The following NUAK1 variants were observed in gnomAD, a reference collection of about 807,000 sequenced individuals.
The protein encoded by NUAK1 is NUAK family SNF1-like kinase 1.
Under a neutral mutation model 56.9 loss-of-function variants are expected in NUAK1, and 26 were observed. The ratio of observed to expected loss-of-function variants is 0.46; its 90% CI spans 0.33 to 0.63. The LOEUF is 0.63. Among genes scored for constraint, NUAK1 ranks in the 30% least tolerant of loss-of-function variants. The pLI is 0.02. For synonymous variants in NUAK1, 337 were observed against 336.0 expected, an observed-to-expected ratio of 1.00 and a Z score of -0.03; for missense variants, 727 against 876.1, an observed-to-expected ratio of 0.83 and a Z score of 2.15.
chr12:106,089,886 C>T (rs959219778), intron 2 of NUAK1, among the ~76,000 whole-genome samples: 2 of 152,182 alleles, frequency 1.3e-5, no homozygotes, highest in South Asian at 4.1e-4. Flanking sequence ...CTCACACTTG[C>T]CTCCCTGCTG....
At chr12:106,068,699 A>C (rs2032370865) in intron 6 of NUAK1, among the ~76,000 whole-genome samples, 1 of 152,132 alleles carries the variant, frequency 6.6e-6, no homozygotes, top group Non-Finnish European at 1.5e-5. Context: ...ATTAGGGAAA[A>C]CCCCTAAAGG....
At chr12:106,114,589 A>G (rs2032897578) in intron 1 of NUAK1, among the ~76,000 whole-genome samples, 1 of 152,244 alleles carries the variant, frequency 6.6e-6, no homozygotes, top group Admixed American at 6.5e-5. Context: ...CTCATGTTAC[A>G]GATGGGGAAA....
chr12:106,069,946 T>G (rs1042079550), intron 6 of NUAK1, among the ~76,000 whole-genome samples: 1 of 152,134 alleles, frequency 6.6e-6, no homozygotes, highest in South Asian at 2.1e-4. Flanking sequence ...ATGACCGTGG[T>G]TGTCTTGACC....
At chr12:106,116,026 C>G (rs1471257421) in intron 1 of NUAK1, among the ~76,000 whole-genome samples, 1 of 152,294 alleles carries the variant, frequency 6.6e-6, no homozygotes, top group African/African-American at 2.4e-5. Context: ...TGCAATGACC[C>G]CTTTGCAGAT....
chr12:106,086,113 T>C (rs2032568175), intron 3 of NUAK1, among the ~76,000 whole-genome samples: 1 of 151,546 alleles, frequency 6.6e-6, no homozygotes, highest in East Asian at 1.9e-4. Flanking sequence ...CTGGAATCTC[T>C]CTTAAGTAAA....
At chr12:106,133,739 G>A (rs1316534454) in intron 1 of NUAK1, among the ~76,000 whole-genome samples, 1 of 152,168 alleles carries the variant, frequency 6.6e-6, no homozygotes, top group African/African-American at 2.4e-5. Flanking sequence ...ATTCTGTCCA[G>A]GATCAAACTC....
At chr12:106,133,096 A>G (rs2033095971) in intron 1 of NUAK1, among the ~76,000 whole-genome samples, 2 of 152,172 alleles carry the variant, frequency 1.3e-5, no homozygotes, top group Non-Finnish European at 2.9e-5. Flanking sequence ...TATTTGCATT[A>G]GCATCAATTA....
chr12:106,123,135 T>G (rs1480900976), intron 1 of NUAK1, among the ~76,000 whole-genome samples: 1 of 152,350 alleles, frequency 6.6e-6, no homozygotes, highest in Non-Finnish European at 1.5e-5. Context: ...GGGTGCTTAG[T>G]GCATACCAGG....
At chr12:106,125,339 A>G (rs534896803) in intron 1 of NUAK1, among the ~76,000 whole-genome samples, 1 of 152,246 alleles carries the variant, frequency 6.6e-6, no homozygotes, top group Non-Finnish European at 1.5e-5. Flanking sequence ...TCATATTGCT[A>G]TTTTCCCAAG....
chr12:106,114,836 T>A (rs1278475898), intron 1 of NUAK1, among the ~76,000 whole-genome samples: 1 of 152,206 alleles, frequency 6.6e-6, no homozygotes, highest in Non-Finnish European at 1.5e-5. Flanking sequence ...TCCCCAGAAC[T>A]GTTGCATCAT....
chr12:106,086,770 G>A lies in NUAK1; in HGVS notation c.477C>T (p.Phe159=), dbSNP rs891250361. The A allele has an allele frequency of 3.1e-6, 5 of 1,614,146 alleles. No homozygotes were observed. The highest frequency in any genetic ancestry group is 1.7e-5 in the Admixed American group (1 of 60,022). Residue 159 remains phenylalanine (F), a synonymous_variant, in exon 3 of 7, where the codon TTC becomes TTT. Coordinates refer to ENST00000261402, the MANE Select transcript of NUAK1 (RefSeq NM_014840.3). ...AGTGCACAGCAGAGACGATCTGCCG[G>A]AAGAAGTGCCGGGTCTCCCTCTCAC... is the stretch of plus-strand genomic sequence containing the variant. ...RLSERETRHF[F]RQIVSAVHYC... is the part of the protein sequence containing the mutation.
chr12:106,106,665 T>G (rs1592857272), intron 1 of NUAK1, 140 bp from the exon 2 acceptor site: 5 of 761,768 alleles, frequency 6.6e-6, no homozygotes, highest in Non-Finnish European at 1.0e-5. Flanking sequence ...AAATGCCCCC[T>G]TGTCATGTCT....
intron 1 of NUAK1, among the ~76,000 whole-genome samples, chr12:106,109,555 G>GAAAAA (rs5800702): frequency 8.1e-6 from 1 of 123,520 alleles, no homozygotes; most frequent in African/African-American, 2.8e-5. Context: ...GGTTGTTAAG[G>GAAAAA]AAAAAAAAAA....
At position 106,067,663 on chromosome 12, in the gene NUAK1, A is replaced by T; in HGVS notation, c.1125T>A (p.Asn375Lys). 1.2e-6 allele frequency: 2 copies of T among 1,614,242 alleles called. No individual in the cohort carries two copies. Among genetic ancestry groups the T allele is most frequent in the Non-Finnish European group, 1.7e-6 (2 of 1,180,040 alleles). Reference protein sequence around the residue: ...QRSLKKSKKENDFAQSGQDAV... With the variant: ...QRSLKKSKKEKDFAQSGQDAV... ...CATCCTGACCAGACTGAGCAAAGTC[A>T]TTCTCTTTCTTGGATTTCTTCAGCG... Residue 375 changes from asparagine to lysine, a missense_variant, in exon 7 of 7, where the codon AAT becomes AAA. Asn to Lys is a moderately conservative substitution (Grantham distance 94). Coordinates refer to ENST00000261402, the MANE Select transcript of NUAK1 (RefSeq NM_014840.3). This position sits in a 1 kb window ranked among gnomAD's most constrained non-coding sequence, Gnocchi z 6.0.
At chr12:106,100,749 TA>T (rs2032739221) in intron 2 of NUAK1, among the ~76,000 whole-genome samples, 1 of 152,250 alleles carries the variant, frequency 6.6e-6, no homozygotes, top group Non-Finnish European at 1.5e-5. Flanking sequence ...TTCCTTTCAT[TA>T]AAACCCACAC....
chr12:106,072,500 G>A (rs894378345), intron 5 of NUAK1, among the ~76,000 whole-genome samples: 1 of 152,162 alleles, frequency 6.6e-6, no homozygotes, highest in African/African-American at 2.4e-5. Flanking sequence ...TCTTTTCTAG[G>A]GGGATGGCAG....
chr12:106,134,872 T>C (rs1017838658), intron 1 of NUAK1, among the ~76,000 whole-genome samples: 24 of 152,224 alleles, frequency 1.6e-4, no homozygotes, highest in Admixed American at 6.5e-4. Flanking sequence ...CATCTTCCTA[T>C]GGACACACCT....
chr12:106,066,773 C>G lies in NUAK1; in HGVS notation c.*29G>C, dbSNP rs745566854. 6.4e-7 allele frequency: 1 copy of G among 1,562,632 alleles called. No individual in the cohort carries two copies. Among genetic ancestry groups the G allele is most frequent in the Admixed American group, 1.7e-5 (1 of 57,324 alleles). ...TCTTGCTCCCCTTCCTCCCTCGTAC[C>G]CCCGCCCGCCCCTGGGCGCCCTGGA... is the stretch of plus-strand genomic sequence containing the variant. On this transcript the variant is annotated 3_prime_UTR_variant, in exon 7 of 7. Transcript: ENST00000261402.
Position 106,138,801 on chromosome 12 carries a change from C to T in NUAK1, c.-148G>A, listed in dbSNP as rs1006175873. 35 of 1,109,436 alleles carry T rather than the reference C, an allele frequency of 3.2e-5. No individual in the cohort carries two copies. The highest frequency in any genetic ancestry group is 6.3e-4 in the Middle Eastern group (2 of 3,176). 68.7% of individuals were successfully genotyped at this position (1,109,436 alleles called of 1,614,324 possible). ...GCCCGATACCGCTCGGACTGCGGCTCGGTCACTGGCGGCGGCGGGGACTGC... is the reference window on the plus strand; with the variant it reads ...GCCCGATACCGCTCGGACTGCGGCTTGGTCACTGGCGGCGGCGGGGACTGC... On this transcript the variant is annotated 5_prime_UTR_variant, in exon 1 of 7. Coordinates refer to ENST00000261402, the MANE Select transcript of NUAK1 (RefSeq NM_014840.3). This position sits in a 1 kb window ranked among gnomAD's most constrained non-coding sequence, Gnocchi z 5.0.
Sources: allele counts gnomAD v4.1 joint callset (sites outside exome capture counted in the v4.1 genomes callset), GRCh38; gene constraint gnomAD v4.1.1; non-coding constraint Gnocchi (gnomAD v3.1); transcripts MANE v1.5; gene names NCBI Gene and HGNC (gene_info 2026-07-23, HGNC 2026-07-21).